ROR2: variants seen among roughly 807,000 people sequenced by gnomAD.
ROR2 encodes the protein tyrosine-protein kinase transmembrane receptor ROR2.
A neutral mutation model predicts 74.9 loss-of-function variants in ROR2; 33 were observed. The ratio of observed to expected loss-of-function variants is 0.44; its 90% CI spans 0.33 to 0.59. The LOEUF (loss-of-function observed/expected upper bound fraction) is 0.59. ROR2 is among the 20% of genes least tolerant of loss of function. The pLI, the probability that ROR2 is intolerant of heterozygous loss-of-function variation, is 0.02. For missense variants in ROR2, 1,216 were observed against 1,313.8 expected, an observed-to-expected ratio of 0.93 and a Z score of 1.15; for synonymous variants, 586 against 558.7, an observed-to-expected ratio of 1.05 and a Z score of -0.69.
rs1554752452 is a variant in ROR2, at chr9:91,726,754, T to A, written c.1184-11A>T. Reference sequence around the variant, plus strand: ...TGCTGTCTCGGGGACCTGTGAACAATAAGGCTTTCGTGATTTTTCAGAAAA... The same window carrying A: ...TGCTGTCTCGGGGACCTGTGAACAAAAAGGCTTTCGTGATTTTTCAGAAAA... On this transcript the variant is annotated splice_polypyrimidine_tract_variant and intron_variant, in intron 7 of 8. Coordinates refer to ENST00000375708, the MANE Select transcript of ROR2 (RefSeq NM_004560.4). 5.0e-6 allele frequency: 8 copies of A among 1,613,632 alleles called. No homozygotes were observed. In the East Asian group the frequency reaches 1.8e-4, roughly 36 times the overall value.
chr9:91,950,101 G>A lies in ROR2; in HGVS notation c.-138C>T. ...CAAACGGGTCCACTTCGAGGACCTC[G>A]TCGTCGTCCTCTTCTCCGGCCCGGA... is the stretch of plus-strand genomic sequence containing the variant. On this transcript the variant is annotated 5_prime_UTR_variant, in exon 1 of 9. It adds an upstream start codon to the 5' untranslated region. Coordinates refer to ENST00000375708, the MANE Select transcript of ROR2 (RefSeq NM_004560.4). 1 of 442,248 alleles carries A rather than the reference G, an allele frequency of 2.3e-6. No homozygotes were observed. Among genetic ancestry groups the A allele is most frequent in the Non-Finnish European group, 3.9e-6 (1 of 257,226 alleles). The allele number at this position is 442,248 out of a possible 1,614,324, so 27.4% of individuals were successfully genotyped here. A position where few individuals can be genotyped will look rare whatever the true frequency, so the allele number is the denominator to read the frequency against.
chr9:91,942,024 T>A (rs779467689), intron 1 of ROR2, among the ~76,000 whole-genome samples: 33 of 151,972 alleles, frequency 2.2e-4, no homozygotes, highest in Non-Finnish European at 4.3e-4. Flanking sequence ...TTCCTGACCT[T>A]GTGATCCGCT....
chr9:91,833,166 C>T (rs1262390059), intron 1 of ROR2, among the ~76,000 whole-genome samples: 15 of 152,182 alleles, frequency 9.9e-5, no homozygotes, highest in African/African-American at 3.4e-4. Context: ...GCTGCAGATG[C>T]GTCACCACGA....
Position 91,885,010 on chromosome 9 carries a change from G to C in ROR2, c.97+64857C>G, listed in dbSNP as rs151308511. Among the ~76,000 whole-genome samples, 7 of 151,992 alleles carry C rather than the reference G, an allele frequency of 4.6e-5. 1 individual carries two copies. The highest frequency in any genetic ancestry group is 1.0e-4 in the Non-Finnish European group (7 of 68,022). On this transcript the variant is annotated intron_variant, in intron 1 of 8. Transcript: ENST00000375708. ...CAAAGCCTTAAGAACTTAAAGCCTCGCGAACTTAAAGAGCTAACAAGCCTG... is the reference window on the plus strand; with the variant it reads ...CAAAGCCTTAAGAACTTAAAGCCTCCCGAACTTAAAGAGCTAACAAGCCTG...
chr9:91,838,298 A>C (rs1020473486), intron 1 of ROR2, among the ~76,000 whole-genome samples: 1 of 152,186 alleles, frequency 6.6e-6, no homozygotes, highest in Non-Finnish European at 1.5e-5. Context: ...TGAGCCACTC[A>C]GACTATGGAT....
At chr9:91,903,849 G>C (rs138256421) in intron 1 of ROR2, among the ~76,000 whole-genome samples, 109 of 152,182 alleles carry the variant, frequency 7.2e-4, no homozygotes, top group Non-Finnish European at 1.3e-3. Flanking sequence ...CTTATTTTAC[G>C]TATTTAAAGG....
intron 4 of ROR2, among the ~76,000 whole-genome samples, chr9:91,743,102 C>T (rs1338331687): frequency 2.6e-5 from 4 of 152,146 alleles, no homozygotes; most frequent in Non-Finnish European, 4.4e-5. Flanking sequence ...ATCACTAATG[C>T]ATTTCTCACA....
intron 5 of ROR2, 49 bp downstream of exon 5, chr9:91,737,342 T>A: frequency 6.2e-7 from 1 of 1,613,212 alleles, no homozygotes; most frequent in Non-Finnish European, 8.5e-7. Flanking sequence ...GTGCGACAGA[T>A]GGCTGTGTGC....
At chr9:91,763,001 A>T (rs1203603061) in intron 2 of ROR2, among the ~76,000 whole-genome samples, 1 of 151,944 alleles carries the variant, frequency 6.6e-6, no homozygotes, top group Non-Finnish European at 1.5e-5. Context: ...ATGCAGCCAT[A>T]AAAAAAATCA....
intron 7 of ROR2, among the ~76,000 whole-genome samples, chr9:91,729,832 T>G: frequency 6.6e-6 from 1 of 152,356 alleles, no homozygotes; most frequent in Non-Finnish European, 1.5e-5. Flanking sequence ...AGCAATGAAT[T>G]CTATTTTCGC....
At chr9:91,926,271 T>A (rs907891321) in intron 1 of ROR2, among the ~76,000 whole-genome samples, 1 of 150,494 alleles carries the variant, frequency 6.6e-6, no homozygotes, top group Non-Finnish European at 1.5e-5. Context: ...TAGTCCCAGC[T>A]ACTTGGGAGG....
At chr9:91,878,146 A>T (rs1830006393) in intron 1 of ROR2, among the ~76,000 whole-genome samples, 1 of 152,206 alleles carries the variant, frequency 6.6e-6, no homozygotes, top group Non-Finnish European at 1.5e-5. Context: ...AACACCCTAG[A>T]GTAGCCCTTA....
chr9:91,766,093 A>C (rs1026184707), intron 2 of ROR2, among the ~76,000 whole-genome samples: 2 of 152,172 alleles, frequency 1.3e-5, no homozygotes, highest in African/African-American at 4.8e-5. Flanking sequence ...CTGACATTAA[A>C]GCCCTGCAGG....
intron 4 of ROR2, among the ~76,000 whole-genome samples, chr9:91,748,915 T>C (rs1825518094): frequency 6.6e-6 from 1 of 152,030 alleles, no homozygotes; most frequent in African/African-American, 2.4e-5. Context: ...TAATCCCAGC[T>C]ACTCAGGAGG....
chr9:91,918,836 T>TA (rs1429374413), intron 1 of ROR2, among the ~76,000 whole-genome samples: 1 of 152,196 alleles, frequency 6.6e-6, no homozygotes, highest in Non-Finnish European at 1.5e-5. Context: ...GGCTTACATG[T>TA]AGCAAAAGCT....
At chr9:91,865,350 T>A (rs191764294) in intron 1 of ROR2, among the ~76,000 whole-genome samples, 428 of 152,326 alleles carry the variant, frequency 2.8e-3, no homozygotes, top group Middle Eastern at 0.017. Flanking sequence ...ACTCAAGGAA[T>A]CAAATGACCC....
intron 1 of ROR2, among the ~76,000 whole-genome samples, chr9:91,787,577 A>C (rs1416359343): frequency 2.0e-5 from 3 of 152,164 alleles, no homozygotes; most frequent in Admixed American, 2.0e-4. Context: ...CAGTGGTCAC[A>C]CATTACAGGA....
intron 1 of ROR2, among the ~76,000 whole-genome samples, chr9:91,860,387 T>G (rs769048865): frequency 1.2e-4 from 18 of 152,144 alleles, no homozygotes; most frequent in Non-Finnish European, 2.5e-4. Flanking sequence ...AGGGGGAAGA[T>G]AGTCCATCTT....
Position 91,784,698 on chromosome 9 carries a change from T to C in ROR2, c.98-8880A>G, listed in dbSNP as rs1432097076. ...TTACATTTACAAAGTTTACCGAATT[T>C]TTAAAAATCTTTCTCATACAACACT... On this transcript the variant is annotated intron_variant, in intron 1 of 8. Coordinates refer to ENST00000375708, the MANE Select transcript of ROR2 (RefSeq NM_004560.4). 2.0e-5 allele frequency among the ~76,000 whole-genome samples: 3 copies of C among 152,210 alleles called. No individual in the cohort carries two copies. The East Asian group carries it at 5.8e-4, about 29-fold the overall frequency.
Sources: allele counts gnomAD v4.1 joint callset (sites outside exome capture counted in the v4.1 genomes callset), GRCh38; gene constraint gnomAD v4.1.1; transcripts MANE v1.5; gene names NCBI Gene and HGNC (gene_info 2026-07-23, HGNC 2026-07-21).